OSBPL3: variants seen among roughly 807,000 people sequenced by gnomAD.
OSBPL3 encodes the protein oxysterol-binding protein-related protein 3.
OSBPL3 carries 65 observed loss-of-function variants against 120.1 expected under a neutral mutation model. The observed-to-expected ratio is 0.54, with a 90% CI of 0.44 to 0.67. The LOEUF (loss-of-function observed/expected upper bound fraction) is 0.67, where lower values mean the gene tolerates loss of function less well. OSBPL3 is among the 30% of genes least tolerant of loss of function. OSBPL3 has a pLI of 0.00. For missense variants in OSBPL3, 1,004 were observed against 1,082.1 expected, an observed-to-expected ratio of 0.93 and a Z score of 1.01; for synonymous variants, 416 against 402.6, an observed-to-expected ratio of 1.03 and a Z score of -0.40.
Position 24,849,992 on chromosome 7 carries a change from T to C in OSBPL3, c.1159-816A>G, listed in dbSNP as rs1376794526. ...AGAAAGTGTGCTGTGTGCTGGGAAG[T>C]AGGACTTTGTGAAAGATTAATTTTA... On this transcript the variant is annotated intron_variant, in intron 11 of 22. Coordinates refer to ENST00000313367, the MANE Select transcript of OSBPL3 (RefSeq NM_015550.4). This position sits in a 1 kb window ranked among gnomAD's most constrained non-coding sequence, Gnocchi z 5.4. 2.0e-5 allele frequency among the ~76,000 whole-genome samples: 3 copies of C among 151,324 alleles called. No individual in the cohort carries two copies. The highest frequency in any genetic ancestry group is 2.1e-4 in the South Asian group (1 of 4,774).
chr7:24,852,455 T>C lies in OSBPL3; in HGVS notation c.1158+49A>G, dbSNP rs748084088. 1.1e-5 allele frequency: 16 copies of C among 1,405,094 alleles called. No homozygotes were observed. Among genetic ancestry groups the C allele is most frequent in the South Asian group, 1.8e-5 (1 of 55,936 alleles). The allele number at this position is 1,405,094 out of a possible 1,614,324, so 87.0% of individuals were successfully genotyped here. A position where few individuals can be genotyped will look rare whatever the true frequency, so the allele number is the denominator to read the frequency against. ...GGAAATAGAAATTACAAACCATTCA[T>C]GAGCCTGGACACATCTCAGGCATTC... On this transcript the variant is annotated intron_variant, in intron 11 of 22. Transcript: ENST00000313367. This position sits in a 1 kb window ranked among gnomAD's most constrained non-coding sequence, Gnocchi z 4.1.
At position 24,968,837 on chromosome 7, in the gene OSBPL3, A is replaced by G. The variant is rs1483155235; in HGVS notation, c.-150+11049T>C. ...CTTAACTTCACAATAAATCTCACAT[A>G]TCATTCCATATCAGAAAATGTAGAG... On this transcript the variant is annotated intron_variant, in intron 1 of 22. Transcript: ENST00000313367. This position sits in a 1 kb window ranked among gnomAD's most constrained non-coding sequence, Gnocchi z 4.6. 6.6e-6 allele frequency among the ~76,000 whole-genome samples: 1 copy of G among 152,192 alleles called. No individual in the cohort carries two copies. Among genetic ancestry groups the G allele is most frequent in the African/African-American group, 2.4e-5 (1 of 41,436 alleles).
Position 24,863,240 on chromosome 7 carries a change from C to A in OSBPL3, c.830G>T (p.Arg277Leu), listed in dbSNP as rs61756568. The change falls in exon 9 of 23, where the codon CGG becomes CTG. Residue 277 changes from arginine to leucine, a missense_variant. By Grantham distance (102) the Arg-to-Leu change is moderately radical. Around this residue, in one of 4 missense-constraint regions of OSBPL3, gnomAD observed 272 missense variants for 248.8 expected, o/e 1.09. Transcript: ENST00000313367. This position sits in a 1 kb window ranked among gnomAD's most constrained non-coding sequence, Gnocchi z 5.8. ...AGCATCTTTGCCAATAGCTCTGGACCGCCACCTCCTGTGCGATCTTTTTTC... is the reference window on the plus strand; with the variant it reads ...AGCATCTTTGCCAATAGCTCTGGACAGCCACCTCCTGTGCGATCTTTTTTC... ...KKEKRSHRRW[R>L]SRAIGKDAKG... is the part of the protein sequence containing the mutation. 14 of 1,614,002 alleles carry A rather than the reference C, an allele frequency of 8.7e-6. No individual in the cohort carries two copies. The highest frequency in any genetic ancestry group is 9.3e-6 in the Non-Finnish European group (11 of 1,179,964).
At chr7:24,840,852 T>G (rs1797653736) in intron 13 of OSBPL3, 69 bp from the exon 14 acceptor site, 1 of 707,408 alleles carries the variant, frequency 1.4e-6, no homozygotes, top group African/African-American at 1.9e-5. Flanking sequence ...ATAAAACCCT[T>G]ACTCTAAATG....
chr7:24,973,494 T>C (rs1347571131), intron 1 of OSBPL3, among the ~76,000 whole-genome samples: 2 of 152,148 alleles, frequency 1.3e-5, no homozygotes, highest in East Asian at 1.9e-4. Flanking sequence ...GAAAATTCAA[T>C]TTCAGGGGTA....
At chr7:24,929,861 A>G (rs961024620) in intron 1 of OSBPL3, among the ~76,000 whole-genome samples, 6 of 152,188 alleles carry the variant, frequency 3.9e-5, no homozygotes, top group African/African-American at 1.4e-4. Flanking sequence ...GAGTGAATCA[A>G]TTGGCAAATC....
intron 1 of OSBPL3, among the ~76,000 whole-genome samples, chr7:24,944,436 A>G (rs1813468188): frequency 6.6e-6 from 1 of 151,984 alleles, no homozygotes; most frequent in African/African-American, 2.4e-5. Flanking sequence ...AGACCATCCT[A>G]ACCAACATGG....
intron 12 of OSBPL3, among the ~76,000 whole-genome samples, chr7:24,844,978 AT>A (rs967592805): frequency 3.3e-5 from 5 of 152,206 alleles, no homozygotes; most frequent in African/African-American, 1.2e-4. Flanking sequence ...ATTTTATTAT[AT>A]AGTGTCACAG....
At position 24,855,908 on chromosome 7, in the gene OSBPL3, C is replaced by A. The variant is rs890231980; in HGVS notation, c.1028-3274G>T. Among the ~76,000 whole-genome samples, 1 of 152,210 alleles carries A rather than the reference C, an allele frequency of 6.6e-6. No homozygotes were observed. On this transcript the variant is annotated intron_variant, in intron 10 of 22. Coordinates refer to ENST00000313367, the MANE Select transcript of OSBPL3 (RefSeq NM_015550.4). The surrounding 1 kb of genome is among the most constrained non-coding windows in gnomAD (Gnocchi z 4.3). Reference sequence around the variant, plus strand: ...GAGATTACCAAAGCCACCCACCCCACAACACGACCAACTCTTCACATCTCC... The same window carrying A: ...GAGATTACCAAAGCCACCCACCCCAAAACACGACCAACTCTTCACATCTCC...
chr7:24,894,506 A>AAAG lies in OSBPL3; in HGVS notation c.-149-1886_-149-1885insCTT, dbSNP rs1491154215. On this transcript the variant is annotated intron_variant, in intron 1 of 22. Transcript: ENST00000313367. The surrounding 1 kb of genome is among the most constrained non-coding windows in gnomAD (Gnocchi z 4.1). ...TGTTGGCTGTTGCTGTTTGAGAAAG[A>AAAG]AAAAAAAAAAATCAAAAACCTGGTG... Among the ~76,000 whole-genome samples the AAAG allele has an allele frequency of 1.9e-3, 1 of 540 alleles. No individual in the cohort carries two copies. The highest frequency in any genetic ancestry group is 0.013 in the Non-Finnish European group (1 of 78). The allele number at this position is 540 out of a possible 152,430, so 0.4% of individuals were successfully genotyped here. A position where few individuals can be genotyped will look rare whatever the true frequency, so the allele number is the denominator to read the frequency against.
chr7:24,887,646 G>T (rs1470206426), intron 2 of OSBPL3, among the ~76,000 whole-genome samples: 2 of 152,146 alleles, frequency 1.3e-5, no homozygotes, highest in Non-Finnish European at 2.9e-5. Flanking sequence ...ACAATATAAA[G>T]ATTGCAACAG....
rs1286868923 is a variant in OSBPL3 at position 24,851,621 on chromosome 7, T to C, written c.1158+883A>G. On this transcript the variant is annotated intron_variant, in intron 11 of 22. Coordinates refer to ENST00000313367, the MANE Select transcript of OSBPL3 (RefSeq NM_015550.4). This position sits in a 1 kb window ranked among gnomAD's most constrained non-coding sequence, Gnocchi z 4.1. ...TATTGCTTCAGATGGCAATTTCATA[T>C]GTGCACACACTCTTTCTCTTTCTAA... Among the ~76,000 whole-genome samples, 2 of 152,044 alleles carry C rather than the reference T, an allele frequency of 1.3e-5. No individual in the cohort carries two copies. The highest frequency in any genetic ancestry group is 4.8e-5 in the African/African-American group (2 of 41,386).
intron 22 of OSBPL3, among the ~76,000 whole-genome samples, chr7:24,800,640 A>G (rs1422133403): frequency 1.3e-5 from 2 of 151,880 alleles, no homozygotes; most frequent in Admixed American, 6.5e-5. Flanking sequence ...TATTTTTAGT[A>G]GAGACGGGGT....
chr7:24,944,380 G>A (rs891616289), intron 1 of OSBPL3, among the ~76,000 whole-genome samples: 1 of 151,942 alleles, frequency 6.6e-6, no homozygotes, highest in African/African-American at 2.4e-5. Context: ...TGTAATCCCA[G>A]CACTTTGGGA....
At chr7:24,958,749 G>C (rs887760238) in intron 1 of OSBPL3, among the ~76,000 whole-genome samples, 11 of 152,138 alleles carry the variant, frequency 7.2e-5, no homozygotes, top group Non-Finnish European at 4.4e-5. Flanking sequence ...ATGGAAGACT[G>C]AATTAAAAAG....
At chr7:24,847,750 T>C (rs1394191543) in intron 12 of OSBPL3, among the ~76,000 whole-genome samples, 2 of 152,208 alleles carry the variant, frequency 1.3e-5, no homozygotes, top group African/African-American at 2.4e-5. Flanking sequence ...GATAATACCA[T>C]AGTACATGGC....
At chr7:24,948,486 T>C (rs1814007973) in intron 1 of OSBPL3, among the ~76,000 whole-genome samples, 1 of 152,192 alleles carries the variant, frequency 6.6e-6, no homozygotes, top group East Asian at 1.9e-4. Flanking sequence ...TTTCAGAGGC[T>C]AAATGATGTC....
intron 2 of OSBPL3, among the ~76,000 whole-genome samples, chr7:24,878,809 G>A (rs559163138): frequency 1.3e-5 from 2 of 152,326 alleles, no homozygotes; most frequent in East Asian, 1.9e-4. Context: ...CAATCACTTG[G>A]AGATCTTGTT....
chr7:24,897,238 G>A (rs1201423070), intron 1 of OSBPL3, among the ~76,000 whole-genome samples: 6 of 151,982 alleles, frequency 3.9e-5, no homozygotes, highest in Non-Finnish European at 7.4e-5. Context: ...CCTCTCTCCT[G>A]GCTTCCTGAA....
Sources: allele counts gnomAD v4.1 joint callset (sites outside exome capture counted in the v4.1 genomes callset), GRCh38; gene constraint gnomAD v4.1.1; regional missense constraint gnomAD v4.1.1; non-coding constraint Gnocchi (gnomAD v3.1); transcripts MANE v1.5; gene names NCBI Gene and HGNC (gene_info 2026-07-23, HGNC 2026-07-21).